Variants in DOCK5 observed in about 807,000 individuals in gnomAD.
DOCK5 encodes the protein dedicator of cytokinesis 5.
In DOCK5, 142 loss-of-function variants were observed where a neutral mutation model predicts 251.8. The ratio of observed to expected loss-of-function variants is 0.56; its 90% CI spans 0.49 to 0.65. The LOEUF (loss-of-function observed/expected upper bound fraction) is 0.65, where lower values mean the gene tolerates loss of function less well. DOCK5 is among the 30% of genes least tolerant of loss of function. The pLI is 0.00. For synonymous variants in DOCK5, 842 were observed against 835.5 expected (o/e 1.01, Z -0.13); for missense variants, 2,111 against 2,312.3 (o/e 0.91, Z 1.79).
intron 38 of DOCK5, among the ~76,000 whole-genome samples, chr8:25,378,366 A>G (rs190404066): frequency 2.6e-5 from 4 of 152,332 alleles, no homozygotes; most frequent in Admixed American, 2.6e-4. Flanking sequence ...TTAATATACA[A>G]CAATAACTCA....
Position 25,411,416 on chromosome 8 carries a change from T to G in DOCK5, c.*118T>G. 1 of 1,295,204 alleles carries G rather than the reference T, an allele frequency of 7.7e-7. No individual in the cohort carries two copies. Among genetic ancestry groups the G allele is most frequent in the Non-Finnish European group, 9.9e-7 (1 of 1,010,210 alleles). The allele number at this position is 1,295,204 out of a possible 1,614,324, so 80.2% of individuals were successfully genotyped here. Reference sequence around the variant, plus strand: ...GCTGACTGCATTTCCTGATCTGGGATGATGTTTACCAGCCCAAAACCAGTC... The same window carrying G: ...GCTGACTGCATTTCCTGATCTGGGAGGATGTTTACCAGCCCAAAACCAGTC... On this transcript the variant is annotated 3_prime_UTR_variant, in exon 52 of 52. Transcript: ENST00000276440.
intron 39 of DOCK5, among the ~76,000 whole-genome samples, chr8:25,382,429 C>G (rs1464927395): frequency 6.6e-6 from 1 of 152,188 alleles, no homozygotes; most frequent in Admixed American, 6.5e-5. Flanking sequence ...CAGAAGAATT[C>G]CAACGTGCAC....
intron 1 of DOCK5, among the ~76,000 whole-genome samples, chr8:25,232,275 GAATGC>G (rs771341978): frequency 1.3e-5 from 1 of 77,242 alleles, no homozygotes; most frequent in African/African-American, 1.6e-4. Flanking sequence ...CTGCAATGCA[GAATGC>G]AATGCAATGC....
chr8:25,282,616 TG>T lies in DOCK5; in HGVS notation c.321+3954del, dbSNP rs934443412. The stretch of plus-strand genomic sequence containing the variant: ...GCTCACGCCTGTAATCCCATCCCTT[TG>T]GGAGGTCAAGCCTGGGGGATTGTTT... On this transcript the variant is annotated intron_variant, in intron 5 of 51. Coordinates refer to ENST00000276440, the MANE Select transcript of DOCK5 (RefSeq NM_024940.8). 4.5e-4 allele frequency among the ~76,000 whole-genome samples: 68 copies of T among 152,172 alleles called. 1 individual carries two copies. The highest frequency in any genetic ancestry group is 1.6e-3 in the African/African-American group (68 of 41,526).
intron 2 of DOCK5, among the ~76,000 whole-genome samples, chr8:25,249,306 G>A (rs1803204914): frequency 6.6e-6 from 1 of 152,026 alleles, no homozygotes; most frequent in Admixed American, 6.6e-5. Flanking sequence ...TGGCCTTGTG[G>A]GTTTTTTTGT....
chr8:25,303,870 G>A (rs758044880), intron 10 of DOCK5, among the ~76,000 whole-genome samples: 4 of 152,184 alleles, frequency 2.6e-5, no homozygotes, highest in Non-Finnish European at 5.9e-5. Context: ...GGAGGCTGAG[G>A]CAGGAGAATT....
At chr8:25,255,673 T>G (rs1803401692) in intron 2 of DOCK5, among the ~76,000 whole-genome samples, 1 of 152,170 alleles carries the variant, frequency 6.6e-6, no homozygotes, top group Non-Finnish European at 1.5e-5. Flanking sequence ...ATGTAACCTA[T>G]GGACTTTGGG....
chr8:25,185,036 G>A (rs1801396492), intron 1 of DOCK5, 85 bp downstream of exon 1: 3 of 1,252,726 alleles, frequency 2.4e-6, no homozygotes, highest in Admixed American at 8.3e-5. Context: ...CGCAGAGCCC[G>A]GCGGAGGACC....
Position 25,304,337 on chromosome 8 carries a change from T to G in DOCK5, c.1049+10T>G, listed in dbSNP as rs763434746. ...TTATTCCCTTTCAGCAGTAAGTACT[T>G]TGGCATGTGTCCCAGGTGACTTGAG... On this transcript the variant is annotated intron_variant, in intron 11 of 51. Coordinates refer to ENST00000276440, the MANE Select transcript of DOCK5 (RefSeq NM_024940.8). 1.9e-6 allele frequency: 3 copies of G among 1,601,798 alleles called. No homozygotes were observed. In the East Asian group the frequency reaches 6.7e-5, roughly 36 times the overall value.
At chr8:25,276,226 G>A (rs1348076161) in intron 4 of DOCK5, among the ~76,000 whole-genome samples, 1 of 152,152 alleles carries the variant, frequency 6.6e-6, no homozygotes, top group Non-Finnish European at 1.5e-5. Context: ...TGGATCCTGG[G>A]TTTTTCACAG....
chr8:25,277,300 T>C (rs530461101), intron 4 of DOCK5: 1 of 153,130 alleles, frequency 6.5e-6, no homozygotes, highest in African/African-American at 2.4e-5. Flanking sequence ...GACAGTTATC[T>C]CCCAGGTGTA....
rs373494101 is a variant in DOCK5, at chr8:25,323,970, G to C, written c.1719+19G>C. 20 of 1,586,362 alleles carry C rather than the reference G, an allele frequency of 1.3e-5. No homozygotes were observed. Among genetic ancestry groups the C allele is most frequent in the Non-Finnish European group, 1.5e-5 (17 of 1,166,832 alleles). ...TTATAAGGTGGTGCTAACAGAAAAT[G>C]GCTGAGAAAAATACTCCCTTTCAAA... On this transcript the variant is annotated intron_variant, in intron 17 of 51. Transcript: ENST00000276440.
At chr8:25,260,603 A>G (rs1803552236) in intron 2 of DOCK5, among the ~76,000 whole-genome samples, 1 of 152,210 alleles carries the variant, frequency 6.6e-6, no homozygotes, top group Non-Finnish European at 1.5e-5. Context: ...AGAGTCTACA[A>G]GCATTACCAT....
intron 18 of DOCK5, among the ~76,000 whole-genome samples, chr8:25,326,621 G>C (rs1198565182): frequency 6.6e-6 from 1 of 152,194 alleles, no homozygotes; most frequent in Non-Finnish European, 1.5e-5. Flanking sequence ...ACAATGAACT[G>C]CTGGTAGGTT....
intron 34 of DOCK5, among the ~76,000 whole-genome samples, chr8:25,371,337 G>A (rs927908127): frequency 1.3e-5 from 2 of 152,166 alleles, no homozygotes; most frequent in Non-Finnish European, 2.9e-5. Flanking sequence ...CCACCGTGAT[G>A]GATGCCTGTA....
chr8:25,275,073 A>C (rs1447969404), intron 3 of DOCK5, among the ~76,000 whole-genome samples: 1 of 152,144 alleles, frequency 6.6e-6, no homozygotes, highest in Admixed American at 6.6e-5. Flanking sequence ...GTAGCATCTG[A>C]GGGGTTTAGG....
intron 1 of DOCK5, among the ~76,000 whole-genome samples, chr8:25,199,195 T>C (rs2117456534): frequency 6.6e-6 from 1 of 152,096 alleles, no homozygotes; most frequent in East Asian, 1.9e-4. Flanking sequence ...AAAGTAAACG[T>C]TTAAGGGGTG....
intron 5 of DOCK5, among the ~76,000 whole-genome samples, chr8:25,288,629 T>C (rs766191118): frequency 5.9e-5 from 9 of 152,180 alleles, no homozygotes; most frequent in Admixed American, 1.3e-4. Flanking sequence ...ATCTTAACAT[T>C]AGAAAACACT....
intron 27 of DOCK5, among the ~76,000 whole-genome samples, chr8:25,358,125 T>C (rs1800611256): frequency 6.6e-6 from 1 of 152,130 alleles, no homozygotes; most frequent in African/African-American, 2.4e-5. Flanking sequence ...ATGCTGCTAA[T>C]AAAGACATAC....
Sources: allele counts gnomAD v4.1 joint callset (sites outside exome capture counted in the v4.1 genomes callset), GRCh38; gene constraint gnomAD v4.1.1; transcripts MANE v1.5; gene names NCBI Gene and HGNC (gene_info 2026-07-23, HGNC 2026-07-21).